The following NDRG4 variants were observed in gnomAD, a reference collection of about 807,000 sequenced individuals.
The protein encoded by NDRG4 is protein NDRG4.
Under a neutral mutation model 55.8 loss-of-function variants are expected in NDRG4, and 38 were observed. That is an observed-to-expected ratio of 0.68 (90% CI 0.53 to 0.89). The LOEUF (loss-of-function observed/expected upper bound fraction) is 0.89. Ranked by LOEUF, NDRG4 falls within the 40% of genes least tolerant of loss-of-function variation. NDRG4 has a pLI of 0.00. For missense variants in NDRG4, 455 were observed against 468.6 expected, an observed-to-expected ratio of 0.97 and a Z score of 0.27; for synonymous variants, 190 against 182.7, an observed-to-expected ratio of 1.04 and a Z score of -0.32.
chr16:58,486,291 A>T (rs2151669637), intron 1 of NDRG4, among the ~76,000 whole-genome samples: 1 of 152,178 alleles, frequency 6.6e-6, no homozygotes, highest in Non-Finnish European at 1.5e-5. Context: ...CCTCCTGAGT[A>T]GCTGGGACCA....
chr16:58,464,786 T>C lies in NDRG4; in HGVS notation c.-24+989T>C, dbSNP rs1366526587. 7.8e-7 allele frequency: 1 copy of C among 1,281,702 alleles called. No individual in the cohort carries two copies. Among genetic ancestry groups the C allele is most frequent in the Non-Finnish European group, 9.8e-7 (1 of 1,015,252 alleles). 79.4% of individuals were successfully genotyped at this position (1,281,702 alleles called of 1,614,324 possible). A position where few individuals can be genotyped will look rare whatever the true frequency, so the allele number is the denominator to read the frequency against. On this transcript the variant is annotated intron_variant, in intron 1 of 15. Transcript: ENST00000258187. The surrounding 1 kb of genome is among the most constrained non-coding windows in gnomAD (Gnocchi z 4.8). Reference sequence around the variant, plus strand: ...GCTCCTGCCCTCCAATCAGTGTCGCTTGTCCCCTAAGAAAGGACCCGTGGG... The same window carrying C: ...GCTCCTGCCCTCCAATCAGTGTCGCCTGTCCCCTAAGAAAGGACCCGTGGG...
chr16:58,470,981 G>T (rs898063777), intron 1 of NDRG4, among the ~76,000 whole-genome samples: 1 of 151,532 alleles, frequency 6.6e-6, no homozygotes, highest in African/African-American at 2.4e-5. Flanking sequence ...GATTGCTTCA[G>T]CAAGAAGCTC....
At chr16:58,515,004 G>A (rs988135252), downstream of NDRG4, among the ~76,000 whole-genome samples, 4 of 152,194 alleles carry the variant, frequency 2.6e-5, 1 homozygote, top group Admixed American at 2.6e-4. Flanking sequence ...AGGATGTACT[G>A]GCAAATAAGG....
At chr16:58,481,469 C>A (rs972853699) in intron 1 of NDRG4, among the ~76,000 whole-genome samples, 1 of 151,798 alleles carries the variant, frequency 6.6e-6, no homozygotes, top group Non-Finnish European at 1.5e-5. Flanking sequence ...TGTGTGTGTG[C>A]GCGCGCATGC....
At chr16:58,508,100 C>T in intron 10 of NDRG4, 101 bp downstream of exon 10, 1 of 1,109,480 alleles carries the variant, frequency 9.0e-7, no homozygotes, top group Non-Finnish European at 1.3e-6. Flanking sequence ...CCCAGGGGAG[C>T]CTCCAGGGCC....
chr16:58,501,707 C>CAGCCCT (rs1175040785), intron 1 of NDRG4: 2 of 283,396 alleles, frequency 7.1e-6, no homozygotes, highest in African/African-American at 2.2e-5. Flanking sequence ...GGCCCAGCCC[C>CAGCCCT]AGCCCTTCCC....
rs185755684 is a variant in NDRG4 at position 58,487,844 on chromosome 16, C to T, written c.66C>T (p.Thr22=). ...CGCTGCTCCGGGGCCAGGACGCCACCGAGCTGGTGAGTTGGAGTCGCGCCT... is the reference window on the plus strand; with the variant it reads ...CGCTGCTCCGGGGCCAGGACGCCACTGAGCTGGTGAGTTGGAGTCGCGCCT... Residue 22 remains threonine (T), a synonymous_variant, in exon 2 of 16, where the codon ACC becomes ACT. Coordinates refer to the NDRG4 transcript ENST00000258187. The T allele has an allele frequency of 5.8e-4, 891 of 1,537,112 alleles. 4 individuals are homozygous for T. The African/African-American group carries it at 9.4e-3, about 16-fold the overall frequency.
intron 1 of NDRG4, among the ~76,000 whole-genome samples, chr16:58,468,255 C>T (rs943722470): frequency 6.6e-5 from 10 of 152,308 alleles, no homozygotes; most frequent in African/African-American, 2.2e-4. Flanking sequence ...CTTGTCGAGG[C>T]CATTTCCAGG....
intron 1 of NDRG4, among the ~76,000 whole-genome samples, chr16:58,481,002 C>CT (rs1233897960): frequency 2.7e-5 from 4 of 148,024 alleles, no homozygotes; most frequent in Non-Finnish European, 5.9e-5. Flanking sequence ...GAGTGAGACT[C>CT]TGTCTTAAAA....
intron 1 of NDRG4, among the ~76,000 whole-genome samples, chr16:58,478,131 C>T (rs1194012345): frequency 6.6e-6 from 1 of 152,206 alleles, no homozygotes; most frequent in African/African-American, 2.4e-5. Context: ...TGGCTCACGC[C>T]TGTAATCCCA....
At chr16:58,465,034 G>A in intron 1 of NDRG4, 4 of 1,257,632 alleles carry the variant, frequency 3.2e-6, no homozygotes, top group Non-Finnish European at 4.1e-6. Flanking sequence ...CCAGGGGGCA[G>A]TGGCTGGAGA....
intron 13 of NDRG4, 159 bp downstream of exon 13, chr16:58,509,511 G>A: frequency 1.4e-6 from 1 of 729,444 alleles, no homozygotes; most frequent in South Asian, 1.8e-5. Context: ...CGGATGCTGG[G>A]CCCCACAGAT....
At chr16:58,471,640 T>G (rs1011854141) in intron 1 of NDRG4, among the ~76,000 whole-genome samples, 20 of 152,172 alleles carry the variant, frequency 1.3e-4, no homozygotes, top group African/African-American at 4.1e-4. Flanking sequence ...TCCTCAGTGC[T>G]TTAGCTTCCA....
At chr16:58,481,450 G>A (rs2034380735) in intron 1 of NDRG4, among the ~76,000 whole-genome samples, 2 of 152,082 alleles carry the variant, frequency 1.3e-5, no homozygotes, top group African/African-American at 4.8e-5. Flanking sequence ...TGTGCTGGGG[G>A]TGCGTGCGTG....
intron 1 of NDRG4, among the ~76,000 whole-genome samples, chr16:58,479,946 T>G (rs985730407): frequency 5.9e-5 from 9 of 152,192 alleles, no homozygotes; most frequent in Non-Finnish European, 8.8e-5. Context: ...ATTTTCTTTC[T>G]CCTTATTGAG....
intron 1 of NDRG4, among the ~76,000 whole-genome samples, chr16:58,485,759 G>A (rs562733250): frequency 5.1e-4 from 78 of 152,274 alleles, no homozygotes; most frequent in African/African-American, 1.7e-3. Flanking sequence ...AGCATGGCAC[G>A]TGCACAGGGA....
chr16:58,470,111 T>C (rs867130341), intron 1 of NDRG4, among the ~76,000 whole-genome samples: 6 of 152,270 alleles, frequency 3.9e-5, no homozygotes, highest in Non-Finnish European at 8.8e-5. Context: ...TGGTTTTTAC[T>C]TTCTTCTTTT....
chr16:58,478,407 C>G (rs1227922045), intron 1 of NDRG4, among the ~76,000 whole-genome samples: 1 of 148,646 alleles, frequency 6.7e-6, no homozygotes, highest in Non-Finnish European at 1.5e-5. Context: ...AAAAAAGTGT[C>G]AAGGTTATAA....
chr16:58,506,927 AAC>A lies in NDRG4; in HGVS notation c.536_537del (p.Thr179ArgfsTer35), dbSNP rs1297312100. 3 of 1,613,920 alleles carry A rather than the reference AAC, an allele frequency of 1.9e-6. No homozygotes were observed. Among genetic ancestry groups the A allele is most frequent in the East Asian group, 2.2e-5 (1 of 44,888 alleles). Reference protein sequence around the residue: ...HLFSQEELVNNTELVQSYRQQ... With the variant: ...HLFSQEELVNXTELVQSYRQQ... ...CTGGGCCTAGGAGGAGCTGGTGAAC[AAC>A]ACAGAGTTGGTGCAGAGCTACCGGC... On this transcript the variant is annotated frameshift_variant, in exon 8 of 15. Transcript: ENST00000570248. LOFTEE classifies it high-confidence loss of function.
Sources: allele counts gnomAD v4.1 joint callset (sites outside exome capture counted in the v4.1 genomes callset), GRCh38; gene constraint gnomAD v4.1.1; non-coding constraint Gnocchi (gnomAD v3.1); transcripts MANE v1.5; gene names NCBI Gene and HGNC (gene_info 2026-07-23, HGNC 2026-07-21).